The following ATP9B variants were observed in gnomAD, a reference collection of about 807,000 sequenced individuals.
The protein encoded by ATP9B is ATPase phospholipid transporting 9B, also known as probable phospholipid-transporting ATPase IIB.
In ATP9B, 110 loss-of-function variants were observed where a neutral mutation model predicts 146.1. The ratio of observed to expected loss-of-function variants is 0.75; its 90% CI spans 0.65 to 0.88. The LOEUF (loss-of-function observed/expected upper bound fraction) is 0.88, where lower values mean the gene tolerates loss of function less well. Ranked by LOEUF, ATP9B falls within the 40% of genes least tolerant of loss-of-function variation. The pLI is 0.00. For missense variants in ATP9B, 1,499 were observed against 1,496.4 expected (o/e 1.00, Z -0.03); for synonymous variants, 604 against 569.7 (o/e 1.06, Z -0.86).
chr18:79,205,105 T>C (rs1254785995), intron 9 of ATP9B, among the ~76,000 whole-genome samples: 1 of 152,214 alleles, frequency 6.6e-6, no homozygotes. Context: ...TGCACCTGCA[T>C]TGCAGGACAC....
intron 26 of ATP9B, among the ~76,000 whole-genome samples, chr18:79,372,044 C>T (rs1001217705): frequency 6.6e-6 from 1 of 152,266 alleles, no homozygotes; most frequent in East Asian, 1.9e-4. Context: ...CAGGGCCTCT[C>T]AACACGTGTC....
At chr18:79,287,395 T>C (rs2096455873) in intron 13 of ATP9B, among the ~76,000 whole-genome samples, 1 of 152,226 alleles carries the variant, frequency 6.6e-6, no homozygotes, top group Admixed American at 6.5e-5. Context: ...GATTTTCTAG[T>C]TTATTTGCGT....
At chr18:79,280,530 T>C (rs1043503332) in intron 13 of ATP9B, among the ~76,000 whole-genome samples, 2 of 152,236 alleles carry the variant, frequency 1.3e-5, no homozygotes, top group African/African-American at 4.8e-5. Flanking sequence ...TACAGGGAGA[T>C]ATTGATTATT....
chr18:79,272,794 C>A (rs1048147427), intron 12 of ATP9B, among the ~76,000 whole-genome samples: 1 of 152,230 alleles, frequency 6.6e-6, no homozygotes, highest in African/African-American at 2.4e-5. Context: ...ATGCATCATT[C>A]CTAATCCACA....
At chr18:79,175,600 C>T (rs781623067) in intron 7 of ATP9B, among the ~76,000 whole-genome samples, 10 of 152,218 alleles carry the variant, frequency 6.6e-5, no homozygotes, top group Non-Finnish European at 1.0e-4. Context: ...TGCATGCGTA[C>T]ATAGGTACAC....
chr18:79,099,761 C>T (rs2075116416), intron 2 of ATP9B, among the ~76,000 whole-genome samples: 1 of 152,006 alleles, frequency 6.6e-6, no homozygotes, highest in Admixed American at 6.6e-5. Context: ...CATGCCCAAC[C>T]TGTTTTTTGC....
intron 7 of ATP9B, among the ~76,000 whole-genome samples, chr18:79,176,210 A>C (rs1178246723): frequency 6.6e-6 from 1 of 152,170 alleles, no homozygotes; most frequent in Admixed American, 6.5e-5. Context: ...TGTGTATGTC[A>C]TTTTGTGCTT....
intron 1 of ATP9B, among the ~76,000 whole-genome samples, chr18:79,094,213 C>A (rs1038807652): frequency 6.6e-6 from 1 of 152,160 alleles, no homozygotes; most frequent in African/African-American, 2.4e-5. Context: ...ATTCCCAGAG[C>A]CTGTCCTGTG....
chr18:79,330,215 G>A (rs1219812640), intron 17 of ATP9B, 111 bp downstream of exon 17: 23 of 982,278 alleles, frequency 2.3e-5, no homozygotes, highest in Non-Finnish European at 3.3e-5. Flanking sequence ...ATAGATGACA[G>A]GAAAAGGATA....
intron 25 of ATP9B, among the ~76,000 whole-genome samples, chr18:79,352,248 C>A (rs931645401): frequency 3.0e-4 from 46 of 152,192 alleles, no homozygotes; most frequent in Admixed American, 2.6e-3. Flanking sequence ...CCTGTGAGTG[C>A]TCTCGTTAAA....
chr18:79,158,706 A>G (rs2094832869), intron 7 of ATP9B, among the ~76,000 whole-genome samples: 1 of 152,200 alleles, frequency 6.6e-6, no homozygotes, highest in Non-Finnish European at 1.5e-5. Flanking sequence ...CATACTTTAT[A>G]TGATTTCTAT....
At chr18:79,187,371 C>CA (rs2095317375) in intron 8 of ATP9B, among the ~76,000 whole-genome samples, 1 of 152,164 alleles carries the variant, frequency 6.6e-6, no homozygotes, top group Non-Finnish European at 1.5e-5. Context: ...CACACTGTCC[C>CA]ACAGGGGAGG....
At chr18:79,376,417 C>A (rs1335137154) in intron 29 of ATP9B, 1 of 973,590 alleles carries the variant, frequency 1.0e-6, no homozygotes, top group Non-Finnish European at 1.2e-6. Context: ...GAGACGAAGT[C>A]TCACTCTTGT....
intron 1 of ATP9B, chr18:79,085,120 T>C (rs931948311): frequency 2.0e-5 from 3 of 152,174 alleles, no homozygotes; most frequent in African/African-American, 7.2e-5. Flanking sequence ...GTGGAAGGTA[T>C]TGGAGAGCCA....
chr18:79,328,771 G>A (rs1403064414), intron 15 of ATP9B, among the ~76,000 whole-genome samples: 1 of 152,176 alleles, frequency 6.6e-6, no homozygotes, highest in Non-Finnish European at 1.5e-5. Context: ...ACTGGGGAGG[G>A]AGAAACCTTG....
In ATP9B at chr18:79,261,636, C is replaced by T. The variant is rs1190640958; in HGVS notation, c.1268+8095C>T. Among the ~76,000 whole-genome samples the T allele has an allele frequency of 5.9e-5, 9 of 152,238 alleles. No individual in the cohort carries two copies. The East Asian group carries it at 1.7e-3, about 29-fold the overall frequency. On this transcript the variant is annotated intron_variant, in intron 12 of 29. Transcript: ENST00000426216. ...AAAATAAAATTCTGTTGCTTTAAGA[C>T]ATCTAGTGATGGCATCTTTAAGAAA...
At chr18:79,298,649 A>C (rs2096569341) in intron 13 of ATP9B, among the ~76,000 whole-genome samples, 1 of 147,158 alleles carries the variant, frequency 6.8e-6, no homozygotes, top group Non-Finnish European at 1.5e-5. Context: ...ACAAAGAAGA[A>C]AGTTGAAGGA....
intron 7 of ATP9B, among the ~76,000 whole-genome samples, chr18:79,163,867 T>TACACACACACACAC (rs1491204627): frequency 2.2e-4 from 17 of 77,772 alleles, no homozygotes; most frequent in Non-Finnish European, 7.0e-5. Flanking sequence ...TATTTTATTT[T>TACACACACACACAC]ATACACACAC....
At chr18:79,257,463 A>G (rs896431292) in intron 12 of ATP9B, among the ~76,000 whole-genome samples, 1 of 152,236 alleles carries the variant, frequency 6.6e-6, no homozygotes, top group Non-Finnish European at 1.5e-5. Flanking sequence ...ATTTAAACGA[A>G]ACAGTTACAT....
Sources: allele counts gnomAD v4.1 joint callset (sites outside exome capture counted in the v4.1 genomes callset), GRCh38; gene constraint gnomAD v4.1.1; transcripts MANE v1.5; gene names NCBI Gene and HGNC (gene_info 2026-07-23, HGNC 2026-07-21).